The following IL1RAPL1 variants were observed in gnomAD, a reference collection of about 807,000 sequenced individuals.
The protein encoded by IL1RAPL1 is interleukin 1 receptor accessory protein like 1, also known as interleukin-1 receptor accessory protein-like 1.
A neutral mutation model predicts 48.4 loss-of-function variants in IL1RAPL1; 3 were observed. The ratio of observed to expected loss-of-function variants is 0.06; its 90% CI spans 0.03 to 0.16. The LOEUF is 0.16. Among genes scored for constraint, IL1RAPL1 ranks in the 10% least tolerant of loss-of-function variants. The probability of loss-of-function intolerance (pLI) is 1.00; values close to 1 mark genes in which losing one functional copy is unlikely to be tolerated. For missense variants in IL1RAPL1, 349 were observed against 530.6 expected (o/e 0.66, Z 3.36); for synonymous variants, 185 against 187.7 (o/e 0.99, Z 0.12).
At chrX:28,738,115 A>G (rs1420867488) in intron 1 of IL1RAPL1, among the ~76,000 whole-genome samples, 5 of 111,656 alleles carry the variant, frequency 4.5e-5, no homozygotes, top group African/African-American at 1.6e-4. Flanking sequence ...AATCACTATT[A>G]TATACATTTC....
chrX:29,823,938 C>T (rs901870230), intron 6 of IL1RAPL1, among the ~76,000 whole-genome samples: 8 of 111,818 alleles, frequency 7.2e-5, no homozygotes, highest in African/African-American at 2.0e-4. Flanking sequence ...ATTTTGATAT[C>T]GTCAAAATGT....
At chrX:28,972,664 A>T (rs75342929) in intron 2 of IL1RAPL1, among the ~76,000 whole-genome samples, 2 of 110,631 alleles carry the variant, frequency 1.8e-5, no homozygotes, top group Non-Finnish European at 3.8e-5. Flanking sequence ...GCGTGAACCT[A>T]GGAGGCGGAG....
At chrX:29,067,418 T>G (rs896138158) in intron 2 of IL1RAPL1, among the ~76,000 whole-genome samples, 1 of 112,435 alleles carries the variant, frequency 8.9e-6, no homozygotes, top group African/African-American at 3.2e-5. Flanking sequence ...GATGCGGAAT[T>G]GCTTAAGCGA....
At chrX:29,000,230 G>A (rs908615758) in intron 2 of IL1RAPL1, among the ~76,000 whole-genome samples, 1 of 111,880 alleles carries the variant, frequency 8.9e-6, no homozygotes, top group African/African-American at 3.2e-5. Context: ...CTATTATGGA[G>A]TGTTATTTTG....
Position 29,802,818 on chromosome X carries a change from T to TAC in IL1RAPL1, c.779-114645_779-114644insCA, listed in dbSNP as rs1569172855. Among the ~76,000 whole-genome samples, 125 of 75,544 alleles carry TAC rather than the reference T, an allele frequency of 1.7e-3. 5 individuals carry two copies. Among genetic ancestry groups the TAC allele is most frequent in the African/African-American group, 6.7e-3 (115 of 17,153 alleles). The allele number at this position is 75,544 out of a possible 115,157, so 65.6% of individuals were successfully genotyped here. A position where few individuals can be genotyped will look rare whatever the true frequency, so the allele number is the denominator to read the frequency against. On this transcript the variant is annotated intron_variant, in intron 6 of 10. Coordinates refer to ENST00000378993, the MANE Select transcript of IL1RAPL1 (RefSeq NM_014271.4). ...ATATATATATATATATATGTGTGTA[T>TAC]ATATATGTATACATATATGTATACA...
At chrX:29,213,756 A>G (rs1930815611) in intron 2 of IL1RAPL1, among the ~76,000 whole-genome samples, 1 of 111,865 alleles carries the variant, frequency 8.9e-6, no homozygotes, top group South Asian at 3.7e-4. Flanking sequence ...CTTAGTCTTT[A>G]CTTCGATATA....
chrX:28,707,619 C>T (rs1935390730), intron 1 of IL1RAPL1, among the ~76,000 whole-genome samples: 1 of 111,780 alleles, frequency 8.9e-6, no homozygotes, highest in Non-Finnish European at 1.9e-5. Flanking sequence ...GGGCAAATGC[C>T]TGAAAATCTA....
Position 29,752,000 on chromosome X carries a change from C to T in IL1RAPL1, c.778+83496C>T, listed in dbSNP as rs1294748353. 2.0e-5 allele frequency among the ~76,000 whole-genome samples: 2 copies of T among 99,942 alleles called. 1 individual carries two copies. The highest frequency in any genetic ancestry group is 6.2e-4 in the East Asian group (2 of 3,236). 86.8% of individuals were successfully genotyped at this position (99,942 alleles called of 115,157 possible). On this transcript the variant is annotated intron_variant, in intron 6 of 10. Coordinates refer to ENST00000378993, the MANE Select transcript of IL1RAPL1 (RefSeq NM_014271.4). ...ATATATATGTGTGTGTATATATATA[C>T]ACACACATATATATATGATAATATG...
chrX:29,607,670 TCTTTTTCTACTAC>T (rs1175938317), intron 5 of IL1RAPL1, among the ~76,000 whole-genome samples: 4 of 112,101 alleles, frequency 3.6e-5, no homozygotes, highest in Non-Finnish European at 5.6e-5. Flanking sequence ...ACACTCTTTC[TCTTTTTCTACTAC>T]CTTTCTGGAT....
chrX:28,885,082 A>G (rs1922596492), intron 2 of IL1RAPL1, among the ~76,000 whole-genome samples: 1 of 111,823 alleles, frequency 8.9e-6, no homozygotes, highest in Non-Finnish European at 1.9e-5. Flanking sequence ...AGATACAGCC[A>G]ATTAGGAACT....
chrX:28,873,767 G>A (rs1418764815), intron 2 of IL1RAPL1, among the ~76,000 whole-genome samples: 6 of 108,044 alleles, frequency 5.6e-5, no homozygotes, highest in East Asian at 5.8e-4. Context: ...TCCTGACCTC[G>A]TGATCCGCCC....
At chrX:29,776,289 G>A (rs1569165783) in intron 6 of IL1RAPL1, among the ~76,000 whole-genome samples, 1 of 111,352 alleles carries the variant, frequency 9.0e-6, no homozygotes, top group East Asian at 2.8e-4. Context: ...TTAGGGCCCT[G>A]AGTCTCTAAA....
intron 1 of IL1RAPL1, among the ~76,000 whole-genome samples, chrX:28,772,439 C>A (rs1936320094): frequency 9.0e-6 from 1 of 111,396 alleles, no homozygotes; most frequent in Non-Finnish European, 1.9e-5. Context: ...AAGCTTAAAT[C>A]CTGTTAAACT....
At chrX:29,610,225 G>A (rs1924044495) in intron 5 of IL1RAPL1, among the ~76,000 whole-genome samples, 1 of 111,759 alleles carries the variant, frequency 8.9e-6, no homozygotes, top group South Asian at 3.8e-4. Context: ...GCCTGACAAT[G>A]AGAGAGAATA....
At chrX:29,156,129 T>G (rs1220934621) in intron 2 of IL1RAPL1, among the ~76,000 whole-genome samples, 1 of 111,694 alleles carries the variant, frequency 9.0e-6, no homozygotes, top group Non-Finnish European at 1.9e-5. Context: ...AAGCAAATTT[T>G]CCAAGGGCTC....
chrX:29,188,585 C>CTTTTT (rs11371992), intron 2 of IL1RAPL1, among the ~76,000 whole-genome samples: 1 of 79,172 alleles, frequency 1.3e-5, no homozygotes, highest in Non-Finnish European at 2.3e-5. Flanking sequence ...AAAACATACA[C>CTTTTT]TTTTTTTTTT....
intron 6 of IL1RAPL1, among the ~76,000 whole-genome samples, chrX:29,681,891 G>C (rs1251279947): frequency 1.1e-5 from 1 of 91,720 alleles, no homozygotes; most frequent in Non-Finnish European, 2.1e-5. Flanking sequence ...AGTTTGGCTT[G>C]GTAAAAAATC....
At chrX:29,116,661 T>C (rs1928683113) in intron 2 of IL1RAPL1, among the ~76,000 whole-genome samples, 2 of 111,927 alleles carry the variant, frequency 1.8e-5, no homozygotes, top group Non-Finnish European at 3.8e-5. Context: ...AACAGAGTAC[T>C]TGTAAATACA....
intron 2 of IL1RAPL1, among the ~76,000 whole-genome samples, chrX:28,999,717 A>G (rs1222626589): frequency 8.9e-6 from 1 of 111,979 alleles, no homozygotes; most frequent in African/African-American, 3.2e-5. Flanking sequence ...GGTAAGGTCC[A>G]TTCTGATAAA....
Sources: allele counts gnomAD v4.1 joint callset (sites outside exome capture counted in the v4.1 genomes callset), GRCh38; gene constraint gnomAD v4.1.1; transcripts MANE v1.5; gene names NCBI Gene and HGNC (gene_info 2026-07-23, HGNC 2026-07-21).